Variants in WWC1 observed in about 807,000 individuals in gnomAD.
WWC1 encodes the protein WW and C2 domain containing 1.
Under a neutral mutation model 138.4 loss-of-function variants are expected in WWC1, and 55 were observed. The ratio of observed to expected loss-of-function variants is 0.40; its 90% CI spans 0.32 to 0.50. The LOEUF (loss-of-function observed/expected upper bound fraction) is 0.50. Ranked by LOEUF, WWC1 falls within the 20% of genes least tolerant of loss-of-function variation. WWC1 has a pLI of 0.72. For missense variants in WWC1, 1,226 were observed against 1,420.4 expected, an observed-to-expected ratio of 0.86 and a Z score of 2.20; for synonymous variants, 524 against 564.9, an observed-to-expected ratio of 0.93 and a Z score of 1.03.
At chr5:168,405,939 T>G (rs1197640934) in intron 5 of WWC1, among the ~76,000 whole-genome samples, 4 of 151,842 alleles carry the variant, frequency 2.6e-5, no homozygotes, top group Non-Finnish European at 4.4e-5. Context: ...GTTGCTCAAG[T>G]TAGTCTTGAA....
chr5:168,464,990 C>T (rs748199366), intron 21 of WWC1, 28 bp downstream of exon 21: 3 of 1,610,054 alleles, frequency 1.9e-6, no homozygotes, highest in Non-Finnish European at 2.5e-6. Context: ...GGCAGGGGAG[C>T]CCTGCGCTCT....
At position 168,469,033 on chromosome 5, in the gene WWC1, T is replaced by G. The variant is rs547943833; in HGVS notation, c.*16T>G. 6.2e-7 allele frequency: 1 copy of G among 1,614,156 alleles called. No individual in the cohort carries two copies. Among genetic ancestry groups the G allele is most frequent in the South Asian group, 1.1e-5 (1 of 91,084 alleles). On this transcript the variant is annotated 3_prime_UTR_variant, in exon 23 of 23. Coordinates refer to ENST00000265293, the MANE Select transcript of WWC1 (RefSeq NM_015238.3). ...TGACGTCTAATCGCCAGAAAAGTAT[T>G]TCCTTTGTTCCACTGACCAGGCTGT...
At chr5:168,455,027 G>A (rs1020368685) in intron 18 of WWC1, among the ~76,000 whole-genome samples, 4 of 152,208 alleles carry the variant, frequency 2.6e-5, no homozygotes, top group Non-Finnish European at 5.9e-5. Context: ...AGTTTTGGGA[G>A]TGTGACATCC....
intron 1 of WWC1, among the ~76,000 whole-genome samples, chr5:168,322,307 C>G (rs961989541): frequency 6.6e-6 from 1 of 151,976 alleles, no homozygotes; most frequent in Non-Finnish European, 1.5e-5. Flanking sequence ...GAACTGCTAT[C>G]CTAGAGAAGG....
intron 11 of WWC1, among the ~76,000 whole-genome samples, chr5:168,425,987 G>A (rs1781472796): frequency 1.3e-5 from 2 of 152,184 alleles, no homozygotes; most frequent in South Asian, 4.1e-4. Context: ...CTCCAGGTGA[G>A]GCCAGCTAGA....
intron 3 of WWC1, among the ~76,000 whole-genome samples, chr5:168,390,964 C>T (rs538914445): frequency 3.5e-4 from 54 of 152,328 alleles, no homozygotes; most frequent in Admixed American, 2.2e-3. Flanking sequence ...GGAACTGAGG[C>T]CCCCAAAGAG....
At chr5:168,403,544 A>ATTT (rs1344925982) in intron 5 of WWC1, among the ~76,000 whole-genome samples, 1 of 152,198 alleles carries the variant, frequency 6.6e-6, no homozygotes, top group Non-Finnish European at 1.5e-5. Context: ...AAGAGAGGAG[A>ATTT]GAAAAGGTTG....
intron 1 of WWC1, among the ~76,000 whole-genome samples, chr5:168,349,948 T>C (rs942576190): frequency 6.6e-6 from 1 of 152,222 alleles, no homozygotes; most frequent in African/African-American, 2.4e-5. Flanking sequence ...GCCATCTTTC[T>C]GGGCCCTCCA....
At chr5:168,318,482 T>C (rs1275366030) in intron 1 of WWC1, among the ~76,000 whole-genome samples, 1 of 152,162 alleles carries the variant, frequency 6.6e-6, no homozygotes, top group Non-Finnish European at 1.5e-5. Flanking sequence ...TTCTACTTTC[T>C]GTCTCTATGA....
Position 168,396,740 on chromosome 5 carries a change from A to C in WWC1, c.434-984A>C, listed in dbSNP as rs550464511. Among the ~76,000 whole-genome samples the C allele has an allele frequency of 1.7e-3, 258 of 152,332 alleles. 3 individuals are homozygous for C. Among genetic ancestry groups the C allele is most frequent in the African/African-American group, 6.0e-3 (249 of 41,576 alleles). On this transcript the variant is annotated intron_variant, in intron 3 of 22. Coordinates refer to ENST00000265293, the MANE Select transcript of WWC1 (RefSeq NM_015238.3). Reference sequence around the variant, plus strand: ...TTAGTTTAAATGTATTTTACTGTGTAGTATTCACTTTCATAAGCCTTAAAA... The same window carrying C: ...TTAGTTTAAATGTATTTTACTGTGTCGTATTCACTTTCATAAGCCTTAAAA...
intron 19 of WWC1, among the ~76,000 whole-genome samples, chr5:168,460,378 A>G (rs1756700549): frequency 6.6e-6 from 1 of 152,234 alleles, no homozygotes; most frequent in Admixed American, 6.5e-5. Context: ...CTCCTATCAC[A>G]TGGGGTTGTT....
rs1276627049 is a variant in WWC1, at chr5:168,450,681, AATT to A, written c.2526-3285_2526-3283del. Among the ~76,000 whole-genome samples, 6 of 152,162 alleles carry A rather than the reference AATT, an allele frequency of 3.9e-5. No individual in the cohort carries two copies. The East Asian group carries it at 1.2e-3, about 29-fold the overall frequency. ...ACTCCATCTCAAAAAAATAAAATAA[AATT>A]AATCTCAAATGGGTTATAGAGCTAC... On this transcript the variant is annotated intron_variant, in intron 17 of 22. Coordinates refer to ENST00000265293, the MANE Select transcript of WWC1 (RefSeq NM_015238.3).
intron 15 of WWC1, among the ~76,000 whole-genome samples, chr5:168,441,289 T>C (rs1372269931): frequency 6.6e-6 from 1 of 152,194 alleles, no homozygotes; most frequent in Admixed American, 6.5e-5. Context: ...GGTTGTTGCT[T>C]AGTAAGTGTA....
At chr5:168,332,908 C>G (rs915609601) in intron 1 of WWC1, among the ~76,000 whole-genome samples, 1 of 152,102 alleles carries the variant, frequency 6.6e-6, no homozygotes, top group Non-Finnish European at 1.5e-5. Flanking sequence ...AGGGTTTCAC[C>G]CTGTTGGCCA....
rs1054337429 is a variant in WWC1, at chr5:168,317,302, G to A, written c.119+25031G>A. Among the ~76,000 whole-genome samples the A allele has an allele frequency of 1.4e-4, 21 of 152,308 alleles. No homozygotes were observed. In the Middle Eastern group the frequency reaches 0.01, roughly 74 times the overall value. On this transcript the variant is annotated intron_variant, in intron 1 of 22. Transcript: ENST00000265293. ...TGAGTTCTCTGACATTTCTCAGAGC[G>A]TTTGTCTGTGTGTCCTGATTTGAGA... is the stretch of plus-strand genomic sequence containing the variant.
chr5:168,318,387 T>C (rs1190859388), intron 1 of WWC1, among the ~76,000 whole-genome samples: 1 of 152,136 alleles, frequency 6.6e-6, no homozygotes, highest in Non-Finnish European at 1.5e-5. Flanking sequence ...AGCTCTGTGG[T>C]GTTAACTACA....
chr5:168,412,195 C>T, intron 8 of WWC1: 1 of 985,416 alleles, frequency 1.0e-6, no homozygotes, highest in Non-Finnish European at 1.2e-6. Flanking sequence ...GACTTCTCAT[C>T]ACAGAGCTTC....
chr5:168,454,481 T>G (rs1338506755), intron 18 of WWC1, among the ~76,000 whole-genome samples: 4 of 152,210 alleles, frequency 2.6e-5, no homozygotes, highest in Non-Finnish European at 5.9e-5. Context: ...GCAGATAGCC[T>G]CTAAAAATAT....
chr5:168,422,182 T>G, intron 10 of WWC1, 85 bp downstream of exon 10: 1 of 1,328,158 alleles, frequency 7.5e-7, no homozygotes, highest in Non-Finnish European at 1.1e-6. Flanking sequence ...GCTCTACCCT[T>G]CACTTGTCCT....
Sources: allele counts gnomAD v4.1 joint callset (sites outside exome capture counted in the v4.1 genomes callset), GRCh38; gene constraint gnomAD v4.1.1; transcripts MANE v1.5; gene names NCBI Gene and HGNC (gene_info 2026-07-23, HGNC 2026-07-21).